Variants in DRC11L observed in about 807,000 individuals in gnomAD.
The protein encoded by DRC11L is dynein regulatory complex subunit like-11.
chr7:151,201,707 C>T, the DRC11L span, among the ~76,000 whole-genome samples: 93 of 152,072 alleles, frequency 6.1e-4, 1 homozygote, highest in Middle Eastern at 3.4e-3. The surrounding 1 kb of genome is among the most constrained non-coding windows in gnomAD (Gnocchi z 4.1). Context: ...GAGAGGAAGG[C>T]GGGGGAGATT....
chr7:151,195,832 C>G, the DRC11L span: 1 of 386,660 alleles, frequency 2.6e-6, no homozygotes, highest in East Asian at 3.7e-5. Flanking sequence ...CTCTGCATTC[C>G]TCCCTCCCTC....
chr7:151,196,646 C>T, the DRC11L span: 12 of 399,094 alleles, frequency 3.0e-5, no homozygotes, highest in South Asian at 1.3e-4. Context: ...TGCACACATA[C>T]GTGCACACAG....
chr7:151,194,637 A>G, the DRC11L span: 2 of 399,184 alleles, frequency 5.0e-6, no homozygotes, highest in East Asian at 3.6e-5. Flanking sequence ...CACCACCACA[A>G]GGGACATTAG....
At chr7:151,204,161 T>C in the DRC11L span, among the ~76,000 whole-genome samples, 1 of 152,162 alleles carries the variant, frequency 6.6e-6, no homozygotes, top group Non-Finnish European at 1.5e-5. Flanking sequence ...TTCCCTGCGG[T>C]TCGTGGGTCT....
the DRC11L span, chr7:151,193,159 G>C: frequency 2.5e-6 from 1 of 397,940 alleles, no homozygotes; most frequent in East Asian, 3.6e-5. Flanking sequence ...AGCCCGGTTG[G>C]TAGGGAGACC....
At chr7:151,192,674 C>T in the DRC11L span, 4 of 398,980 alleles carry the variant, frequency 1.0e-5, no homozygotes, top group Non-Finnish European at 1.3e-5. Flanking sequence ...TGGAACAAGC[C>T]CAGGCCTTCC....
At chr7:151,203,055 C>A in the DRC11L span, 167 of 399,604 alleles carry the variant, frequency 4.2e-4, no homozygotes, top group Non-Finnish European at 3.9e-4. Flanking sequence ...CTGCCTTTTG[C>A]ACTAGAATTA....
the DRC11L span, among the ~76,000 whole-genome samples, chr7:151,196,784 A>C: frequency 6.6e-6 from 1 of 152,204 alleles, no homozygotes; most frequent in Non-Finnish European, 1.5e-5. Flanking sequence ...CACAGAATTC[A>C]GACCCAAATC....
At chr7:151,199,120 C>T in the DRC11L span, 8 of 398,008 alleles carry the variant, frequency 2.0e-5, no homozygotes, top group South Asian at 1.4e-4. This position sits in a 1 kb window ranked among gnomAD's most constrained non-coding sequence, Gnocchi z 5.2. Flanking sequence ...CCCAACACCA[C>T]GCTCACACAA....
chr7:151,202,130 T>C, the DRC11L span, among the ~76,000 whole-genome samples: 1 of 152,126 alleles, frequency 6.6e-6, no homozygotes, highest in African/African-American at 2.4e-5. Flanking sequence ...ATTATGGAAA[T>C]TATGTTATTT....
the DRC11L span, chr7:151,193,262 G>A: frequency 2.8e-5 from 11 of 399,292 alleles, no homozygotes; most frequent in Admixed American, 4.4e-5. Flanking sequence ...TCTGAGAACC[G>A]CAAATGCCAA....
chr7:151,197,803 C>A, the DRC11L span: 1 of 399,014 alleles, frequency 2.5e-6, no homozygotes, highest in South Asian at 1.3e-4. Context: ...AACCATCTGC[C>A]CCACCTCCAA....
At chr7:151,191,386 AC>A in the DRC11L span, among the ~76,000 whole-genome samples, 2 of 152,022 alleles carry the variant, frequency 1.3e-5, no homozygotes, top group African/African-American at 4.8e-5. Context: ...TGCTACCAGA[AC>A]CCACAAAGGG....
chr7:151,205,327 G>A, the DRC11L span: 28 of 398,868 alleles, frequency 7.0e-5, no homozygotes, highest in Middle Eastern at 6.2e-4. Flanking sequence ...GGCAGCAGCA[G>A]CAGCTGGGGT....
At chr7:151,194,405 G>A in the DRC11L span, 12 of 398,940 alleles carry the variant, frequency 3.0e-5, no homozygotes, top group South Asian at 2.6e-4. Context: ...CACACTCTCC[G>A]AGTGGCAATC....
chr7:151,197,279 G>A, the DRC11L span: 1 of 398,282 alleles, frequency 2.5e-6, no homozygotes, highest in African/African-American at 2.1e-5. Context: ...CTCTTCTCTT[G>A]TTCCTTTTTT....
the DRC11L span, chr7:151,192,213 G>T: frequency 1.8e-5 from 7 of 398,828 alleles, no homozygotes; most frequent in South Asian, 7.8e-4. Context: ...CAGCAATGGG[G>T]TATGGGGCGG....
the DRC11L span, chr7:151,196,398 G>A: frequency 2.5e-6 from 1 of 399,186 alleles, no homozygotes; most frequent in Non-Finnish European, 4.4e-6. Context: ...GGTTATGGGG[G>A]AGGGTACAGG....
At chr7:151,201,484 G>C in the DRC11L span, among the ~76,000 whole-genome samples, 1 of 152,220 alleles carries the variant, frequency 6.6e-6, no homozygotes, top group Non-Finnish European at 1.5e-5. The surrounding 1 kb of genome is among the most constrained non-coding windows in gnomAD (Gnocchi z 4.1). Context: ...CTCCTTCTAA[G>C]CCAGACATTG....
Sources: allele counts gnomAD v4.1 joint callset (sites outside exome capture counted in the v4.1 genomes callset), GRCh38; gene constraint gnomAD v4.1.1; non-coding constraint Gnocchi (gnomAD v3.1); transcripts MANE v1.5; gene names NCBI Gene and HGNC (gene_info 2026-07-23, HGNC 2026-07-21).